Variants in SEMA6D observed in about 807,000 individuals in gnomAD.
The protein encoded by SEMA6D is semaphorin-6D.
In SEMA6D, 35 loss-of-function variants were observed where a neutral mutation model predicts 106.6. That is an observed-to-expected ratio of 0.33 (90% CI 0.25 to 0.44). The LOEUF (loss-of-function observed/expected upper bound fraction) is 0.44. Ranked by LOEUF, SEMA6D falls within the 20% of genes least tolerant of loss-of-function variation. The pLI is 1.00. For missense variants in SEMA6D, 1,185 were observed against 1,345.9 expected, an observed-to-expected ratio of 0.88 and a Z score of 1.87; for synonymous variants, 499 against 487.7, an observed-to-expected ratio of 1.02 and a Z score of -0.31.
chr15:47,250,250 A>G (rs1383199842), intron 1 of SEMA6D, among the ~76,000 whole-genome samples: 2 of 152,138 alleles, frequency 1.3e-5, no homozygotes, highest in African/African-American at 2.4e-5. Context: ...AAGTCACAGA[A>G]GTAGCACAGA....
chr15:47,349,372 T>C (rs1246539314), intron 1 of SEMA6D, among the ~76,000 whole-genome samples: 1 of 152,212 alleles, frequency 6.6e-6, no homozygotes. Flanking sequence ...TATTTGTTCG[T>C]CCTTCATGAC....
chr15:47,482,107 T>C (rs1283924390), intron 3 of SEMA6D, among the ~76,000 whole-genome samples: 1 of 152,094 alleles, frequency 6.6e-6, no homozygotes, highest in Non-Finnish European at 1.5e-5. Flanking sequence ...ATTAAGTCTC[T>C]AAGGATGGGG....
chr15:47,402,525 C>T (rs1344206733), intron 1 of SEMA6D, among the ~76,000 whole-genome samples: 1 of 152,140 alleles, frequency 6.6e-6, no homozygotes, highest in Non-Finnish European at 1.5e-5. Context: ...TTTTCAAATT[C>T]GTAAAGGATA....
intron 1 of SEMA6D, among the ~76,000 whole-genome samples, chr15:47,203,334 G>A (rs1434797723): frequency 6.6e-6 from 1 of 152,082 alleles, no homozygotes; most frequent in Non-Finnish European, 1.5e-5. Context: ...ATTGTCTTAA[G>A]ATCCTCTCCC....
chr15:47,323,737 G>A (rs757380324), intron 1 of SEMA6D, among the ~76,000 whole-genome samples: 8 of 152,100 alleles, frequency 5.3e-5, no homozygotes, highest in Non-Finnish European at 8.8e-5. Context: ...ATAAAGAGAC[G>A]TGGCACATAT....
At chr15:47,281,930 T>C (rs2142539629) in intron 1 of SEMA6D, among the ~76,000 whole-genome samples, 1 of 152,300 alleles carries the variant, frequency 6.6e-6, no homozygotes, top group East Asian at 1.9e-4. Context: ...TATATAGGTT[T>C]ACCCTAATTA....
Position 47,496,814 on chromosome 15 carries a change from A to G in SEMA6D, c.-87+26269A>G, listed in dbSNP as rs72733850. ...CACCTACTTGACCTTCACTCCTCTCATCTAGCTGATCTCCAGTTCCAAAAA... is the reference window on the plus strand; with the variant it reads ...CACCTACTTGACCTTCACTCCTCTCGTCTAGCTGATCTCCAGTTCCAAAAA... On this transcript the variant is annotated intron_variant, in intron 3 of 19. Transcript: ENST00000558014. Among the ~76,000 whole-genome samples, 597 of 152,018 alleles carry G rather than the reference A, an allele frequency of 3.9e-3. 2 individuals carry two copies. The highest frequency in any genetic ancestry group is 5.7e-3 in the Non-Finnish European group (388 of 67,922).
chr15:47,243,493 G>A (rs751800543), intron 1 of SEMA6D, among the ~76,000 whole-genome samples: 7 of 151,648 alleles, frequency 4.6e-5, no homozygotes, highest in Non-Finnish European at 8.8e-5. Context: ...ATTTTAACTT[G>A]AATAGTTACG....
intron 1 of SEMA6D, among the ~76,000 whole-genome samples, chr15:47,403,289 C>G (rs138835365): frequency 1.3e-5 from 2 of 152,016 alleles, no homozygotes; most frequent in South Asian, 4.1e-4. Flanking sequence ...AAAGGGCCCA[C>G]GGAAAAAGTG....
At chr15:47,334,866 G>T (rs1312685758) in intron 1 of SEMA6D, among the ~76,000 whole-genome samples, 1 of 152,150 alleles carries the variant, frequency 6.6e-6, no homozygotes, top group Non-Finnish European at 1.5e-5. Context: ...TTGCCTTATT[G>T]GATATGCAAG....
At chr15:47,474,610 G>A (rs913821324) in intron 3 of SEMA6D, among the ~76,000 whole-genome samples, 2 of 152,170 alleles carry the variant, frequency 1.3e-5, no homozygotes, top group Admixed American at 6.5e-5. Flanking sequence ...CCTCTAGTAG[G>A]TACTGACTTA....
At chr15:47,264,791 T>C (rs2034240894) in intron 1 of SEMA6D, among the ~76,000 whole-genome samples, 1 of 152,092 alleles carries the variant, frequency 6.6e-6, no homozygotes, top group African/African-American at 2.4e-5. Flanking sequence ...ATTCCTAGTT[T>C]GTTATGTATT....
At chr15:47,517,259 G>A (rs775393618) in intron 3 of SEMA6D, among the ~76,000 whole-genome samples, 2 of 152,002 alleles carry the variant, frequency 1.3e-5, no homozygotes, top group African/African-American at 2.4e-5. Flanking sequence ...TTGAAAACCA[G>A]GGGTTTTCAA....
chr15:47,403,472 T>C (rs753647259), intron 1 of SEMA6D, among the ~76,000 whole-genome samples: 1 of 152,194 alleles, frequency 6.6e-6, no homozygotes, highest in African/African-American at 2.4e-5. Context: ...ATCTACTTTA[T>C]GGGGAGAAAC....
chr15:47,579,115 G>A (rs1420456803), intron 3 of SEMA6D, among the ~76,000 whole-genome samples: 2 of 150,816 alleles, frequency 1.3e-5, no homozygotes, highest in East Asian at 2.0e-4. Flanking sequence ...CTCTGTAGGC[G>A]TGAGTTGAGT....
rs2082639974 is a variant in SEMA6D, at chr15:47,771,722, A to G, written c.3159A>G (p.Pro1053=). The part of the protein sequence containing the change: ...KRTPSLKPDV[P]PKPSFVPQTP... ...CGCCGTCCTTAAAACCTGACGTGCC[A>G]CCAAAGCCTTCCTTTGTTCCTCAAA... The change falls in exon 19 of 19, where the codon CCA becomes CCG. Residue 1053 remains proline (P), a synonymous_variant. Transcript: ENST00000536845. 6.2e-7 allele frequency: 1 copy of G among 1,613,964 alleles called. No individual in the cohort carries two copies. Among genetic ancestry groups the G allele is most frequent in the South Asian group, 1.1e-5 (1 of 91,076 alleles).
intron 3 of SEMA6D, among the ~76,000 whole-genome samples, chr15:47,593,655 T>C (rs2076483010): frequency 6.6e-6 from 1 of 152,120 alleles, no homozygotes; most frequent in African/African-American, 2.4e-5. Flanking sequence ...AAGAAATACC[T>C]GAGACTAGGT....
At chr15:47,272,319 C>T (rs1349603716) in intron 1 of SEMA6D, among the ~76,000 whole-genome samples, 2 of 152,104 alleles carry the variant, frequency 1.3e-5, no homozygotes, top group East Asian at 3.9e-4. Context: ...AATCTCTACT[C>T]AAAAAGATGG....
chr15:47,700,804 A>G (rs529377846), intron 4 of SEMA6D, among the ~76,000 whole-genome samples: 14 of 152,270 alleles, frequency 9.2e-5, no homozygotes, highest in East Asian at 3.9e-4. Flanking sequence ...AAATAGGTCA[A>G]TGGAATGGAA....
Sources: gnomAD v4.1 joint callset for allele counts (sites outside exome capture counted in the v4.1 genomes callset) on GRCh38, gnomAD v4.1.1 for gene constraint, MANE v1.5 for transcripts, NCBI Gene and HGNC (gene_info 2026-07-23, HGNC 2026-07-21) for gene names.